YWHAG: variants seen among roughly 807,000 people sequenced by gnomAD.
The protein encoded by YWHAG is 14-3-3 protein gamma.
A neutral mutation model predicts 23.3 loss-of-function variants in YWHAG; 1 was observed. The observed-to-expected ratio is 0.04, with a 90% CI of 0.02 to 0.20. YWHAG has a LOEUF of 0.20. Ranked by LOEUF, YWHAG falls within the 10% of genes least tolerant of loss-of-function variation. The probability of loss-of-function intolerance (pLI) is 1.00; values close to 1 mark genes in which losing one functional copy is unlikely to be tolerated. For synonymous variants in YWHAG, 160 were observed against 144.0 expected (o/e 1.11, Z -0.80); for missense variants, 151 against 338.6 (o/e 0.45, Z 4.35).
Position 76,330,187 on chromosome 7 carries a change from A to G in YWHAG, c.134T>C (p.Leu45Pro). 1 of 1,609,152 alleles carries G rather than the reference A, an allele frequency of 6.2e-7. No individual in the cohort carries two copies. Among genetic ancestry groups the G allele is most frequent in the Non-Finnish European group, 8.5e-7 (1 of 1,178,164 alleles). The change falls in exon 2 of 2, where the codon CTG (leucine) becomes CCG (proline). Residue 45 changes from leucine (L) to proline (P), a missense_variant. Coordinates refer to ENST00000307630, the MANE Select transcript of YWHAG (RefSeq NM_012479.4). ...CACAACGTTCTTGTAGGCCACAGAC[A>G]GAAGGTTTCGTTCCTCATTCGACAG... is the stretch of plus-strand genomic sequence containing the variant. ...EPLSNEERNL[L>P]SVAYKNVVGA... is the part of the protein sequence containing the mutation.
intron 1 of YWHAG, among the ~76,000 whole-genome samples, chr7:76,350,182 G>A (rs1803853225): frequency 6.6e-6 from 1 of 152,180 alleles, no homozygotes; most frequent in East Asian, 1.9e-4. Context: ...TCACTCCAAA[G>A]AAGCATAAGG....
At chr7:76,351,374 G>A (rs574901669) in intron 1 of YWHAG, among the ~76,000 whole-genome samples, 6 of 115,014 alleles carry the variant, frequency 5.2e-5, no homozygotes, top group African/African-American at 2.1e-4. Flanking sequence ...CATTCTTCTC[G>A]CCTTTCTGAG....
chr7:76,334,196 G>T (rs771042238), intron 1 of YWHAG, among the ~76,000 whole-genome samples: 5 of 152,128 alleles, frequency 3.3e-5, no homozygotes, highest in Non-Finnish European at 7.4e-5. Context: ...TTATCCTTTA[G>T]ATCATAATTA....
At chr7:76,340,669 T>C (rs1463702701) in intron 1 of YWHAG, among the ~76,000 whole-genome samples, 1 of 152,174 alleles carries the variant, frequency 6.6e-6, no homozygotes, top group Non-Finnish European at 1.5e-5. Flanking sequence ...CTTTCCACTA[T>C]ACCAGTAGTT....
At chr7:76,341,469 G>C (rs1803693483) in intron 1 of YWHAG, among the ~76,000 whole-genome samples, 1 of 137,768 alleles carries the variant, frequency 7.3e-6, no homozygotes, top group African/African-American at 2.7e-5. Flanking sequence ...TTAGTCCTAA[G>C]AGCCAAAAGG....
In YWHAG at chr7:76,327,673, C is replaced by A. The variant is rs770332442; in HGVS notation, c.*1904G>T. 1 of 93,382 alleles carries A rather than the reference C, an allele frequency of 1.1e-5. No homozygotes were observed. Among genetic ancestry groups the A allele is most frequent in the African/African-American group, 4.6e-5 (1 of 21,976 alleles). 5.8% of individuals were successfully genotyped at this position (93,382 alleles called of 1,614,324 possible). A position where few individuals can be genotyped will look rare whatever the true frequency, so the allele number is the denominator to read the frequency against. ...GGGAAAGCCCCACCTACCCTGCCCCCCCCCCCCTCCCCCCCCAAATCGTCT... is the reference window on the plus strand; with the variant it reads ...GGGAAAGCCCCACCTACCCTGCCCCACCCCCCCTCCCCCCCCAAATCGTCT... On this transcript the variant is annotated 3_prime_UTR_variant, in exon 2 of 2. Transcript: ENST00000307630.
chr7:76,358,966 C>G lies in YWHAG; in HGVS notation c.-158G>C, dbSNP rs1804009545. The G allele has an allele frequency of 6.8e-6, 4 of 591,926 alleles. No homozygotes were observed. The highest frequency in any genetic ancestry group is 1.0e-5 in the Non-Finnish European group (4 of 381,052). 36.7% of individuals were successfully genotyped at this position (591,926 alleles called of 1,614,324 possible). On this transcript the variant is annotated 5_prime_UTR_variant, in exon 1 of 2. Coordinates refer to ENST00000307630, the MANE Select transcript of YWHAG (RefSeq NM_012479.4). ...CGGAGGAGGCGGCTGGAGCTGCGAC[C>G]GCGGGACCGGGCGCGAGGCGGCTGC...
chr7:76,335,921 G>T (rs1803608484), intron 1 of YWHAG, among the ~76,000 whole-genome samples: 1 of 152,174 alleles, frequency 6.6e-6, no homozygotes, highest in African/African-American at 2.4e-5. Context: ...CTGCACTCCA[G>T]CCTGGGCAAC....
chr7:76,338,811 G>A (rs1301674261), intron 1 of YWHAG, among the ~76,000 whole-genome samples: 1 of 152,220 alleles, frequency 6.6e-6, no homozygotes, highest in African/African-American at 2.4e-5. Context: ...GAAGGTGACG[G>A]TGTGGGTAAC....
At chr7:76,356,919 A>C (rs1193090516) in intron 1 of YWHAG, among the ~76,000 whole-genome samples, 3 of 152,198 alleles carry the variant, frequency 2.0e-5, no homozygotes, top group Non-Finnish European at 4.4e-5. Context: ...GATAAATGCC[A>C]TTTGCACACT....
In YWHAG at chr7:76,329,856, G is replaced by A. The variant is rs111385409; in HGVS notation, c.465C>T (p.Ser155=). The change falls in exon 2 of 2, where the codon AGC becomes AGT. Residue 155 remains serine (S), a synonymous_variant. Transcript: ENST00000307630. This position sits in a 1 kb window ranked among gnomAD's most constrained non-coding sequence, Gnocchi z 6.1. ...GCTCTTTGCTGATCTCGTGGGCTTC[G>A]CTGTAGGCCTTCTCGGAGGACTCCA... is the stretch of plus-strand genomic sequence containing the variant. ...TVVESSEKAY[S]EAHEISKEHM... is the part of the protein sequence containing the mutation. 5.8e-5 allele frequency: 93 copies of A among 1,614,024 alleles called. No homozygotes were observed. The African/African-American group carries it at 5.9e-4, about 10-fold the overall frequency.
chr7:76,358,838 G>A lies in YWHAG; in HGVS notation c.-30C>T. On this transcript the variant is annotated 5_prime_UTR_variant, in exon 1 of 2. Transcript: ENST00000307630. ...GCGGGGCTGGGTCTGGCCGGAGAAG[G>A]AGGAGGACACTGGGGCGGCCTGAAG... 1.9e-6 allele frequency: 3 copies of A among 1,577,404 alleles called. No homozygotes were observed. Among genetic ancestry groups the A allele is most frequent in the South Asian group, 1.2e-5 (1 of 86,722 alleles).
intron 1 of YWHAG, among the ~76,000 whole-genome samples, chr7:76,357,437 G>A (rs575189346): frequency 2.1e-4 from 32 of 152,160 alleles, no homozygotes; most frequent in Non-Finnish European, 3.8e-4. Context: ...AAGATAGTGG[G>A]GGCCCGAAAT....
At chr7:76,343,774 C>T (rs1306354294) in intron 1 of YWHAG, among the ~76,000 whole-genome samples, 10 of 152,088 alleles carry the variant, frequency 6.6e-5, no homozygotes, top group Non-Finnish European at 1.0e-4. Flanking sequence ...AGCTGGGACT[C>T]GCTGCTGGGA....
At position 76,329,509 on chromosome 7, in the gene YWHAG, C is replaced by CCCCCCCA; in HGVS notation, c.*67_*68insTGGGGGG. The CCCCCCCA allele has an allele frequency of 7.0e-7, 1 of 1,421,574 alleles. No individual in the cohort carries two copies. The highest frequency in any genetic ancestry group is 9.4e-7 in the Non-Finnish European group (1 of 1,069,514). The allele number at this position is 1,421,574 out of a possible 1,614,324, so 88.1% of individuals were successfully genotyped here. ...CCCTTTCCCTCCCCCACCCGACCCC[C>CCCCCCCA]AACTCATGGGAAAAAAATAAAGACT... On this transcript the variant is annotated 3_prime_UTR_variant, in exon 2 of 2. Transcript: ENST00000307630. This position sits in a 1 kb window ranked among gnomAD's most constrained non-coding sequence, Gnocchi z 6.1.
At chr7:76,337,822 C>T (rs1803636698) in intron 1 of YWHAG, among the ~76,000 whole-genome samples, 1 of 152,196 alleles carries the variant, frequency 6.6e-6, no homozygotes, top group East Asian at 1.9e-4. Context: ...CGGCATGAGC[C>T]ACTGTGCCCG....
In YWHAG at chr7:76,358,631, G is replaced by A. The variant is rs954688678; in HGVS notation, c.87+91C>T. 27 of 1,309,746 alleles carry A rather than the reference G, an allele frequency of 2.1e-5. No homozygotes were observed. The East Asian group carries it at 6.8e-4, about 33-fold the overall frequency. 81.1% of individuals were successfully genotyped at this position (1,309,746 alleles called of 1,614,324 possible). Reference sequence around the variant, plus strand: ...GAGACGGGGCGGTCAACCCGCCATCGCGACAGGGCGACGAAGCCCCGGGCC... The same window carrying A: ...GAGACGGGGCGGTCAACCCGCCATCACGACAGGGCGACGAAGCCCCGGGCC... On this transcript the variant is annotated intron_variant, in intron 1 of 1. Transcript: ENST00000307630.
At chr7:76,344,612 T>C (rs999514442) in intron 1 of YWHAG, among the ~76,000 whole-genome samples, 1 of 152,244 alleles carries the variant, frequency 6.6e-6, no homozygotes. Flanking sequence ...GGTCTGATCT[T>C]TGCTTCTACA....
chr7:76,348,584 T>G (rs1803822194), intron 1 of YWHAG, among the ~76,000 whole-genome samples: 1 of 152,108 alleles, frequency 6.6e-6, no homozygotes, highest in East Asian at 1.9e-4. Flanking sequence ...TTTTGTATTT[T>G]TAGTAGAGAC....
Sources: gnomAD v4.1 joint callset for allele counts (sites outside exome capture counted in the v4.1 genomes callset) on GRCh38, gnomAD v4.1.1 for gene constraint, Gnocchi (gnomAD v3.1) non-coding constraint, MANE v1.5 for transcripts, NCBI Gene and HGNC (gene_info 2026-07-23, HGNC 2026-07-21) for gene names.